Variants in DPYD observed in about 807,000 individuals in gnomAD.
The protein encoded by DPYD is dihydropyrimidine dehydrogenase.
A neutral mutation model predicts 116.2 loss-of-function variants in DPYD; 109 were observed. That is an observed-to-expected ratio of 0.94 (90% CI 0.80 to 1.10). The LOEUF (loss-of-function observed/expected upper bound fraction) is 1.10, where lower values mean the gene tolerates loss of function less well. Among genes scored for constraint, DPYD ranks in the 50% least tolerant of loss-of-function variants. The probability of loss-of-function intolerance (pLI) is 0.00; values close to 1 mark genes in which losing one functional copy is unlikely to be tolerated. For synonymous variants in DPYD, 440 were observed against 432.0 expected, an observed-to-expected ratio of 1.02 and a Z score of -0.23; for missense variants, 1,302 against 1,254.5, an observed-to-expected ratio of 1.04 and a Z score of -0.57.
intron 12 of DPYD, among the ~76,000 whole-genome samples, chr1:97,524,628 G>A (rs1406832351): frequency 6.6e-6 from 1 of 152,162 alleles, no homozygotes; most frequent in East Asian, 1.9e-4. Context: ...CAGTTACTGA[G>A]CATCCAGGAA....
chr1:97,628,098 G>A (rs1458474197), intron 8 of DPYD, among the ~76,000 whole-genome samples: 1 of 151,984 alleles, frequency 6.6e-6, no homozygotes, highest in African/African-American at 2.4e-5. Context: ...CCTGGATGTT[G>A]GGGGAAAGGG....
At chr1:97,473,424 A>G (rs1677769768) in intron 13 of DPYD, among the ~76,000 whole-genome samples, 1 of 152,192 alleles carries the variant, frequency 6.6e-6, no homozygotes, top group African/African-American at 2.4e-5. Flanking sequence ...TATTGTGAAT[A>G]ATACTGCAGT....
At chr1:97,197,984 T>C (rs1658931834) in intron 19 of DPYD, among the ~76,000 whole-genome samples, 1 of 152,150 alleles carries the variant, frequency 6.6e-6, no homozygotes, top group African/African-American at 2.4e-5. Flanking sequence ...ACAAAATGAG[T>C]AGTTTAATTT....
chr1:97,357,218 T>C (rs1233635983), intron 16 of DPYD, among the ~76,000 whole-genome samples: 1 of 152,202 alleles, frequency 6.6e-6, no homozygotes, highest in Non-Finnish European at 1.5e-5. Flanking sequence ...TTTTAGTATA[T>C]GGGTAAGTTT....
intron 18 of DPYD, among the ~76,000 whole-genome samples, chr1:97,251,391 T>TAAAAAAAAA (rs10581072): frequency 1.0e-5 from 1 of 95,354 alleles, no homozygotes; most frequent in Non-Finnish European, 2.0e-5. Flanking sequence ...AAACTCTGTC[T>TAAAAAAAAA]AAAAAAAAAA....
chr1:97,177,653 T>C (rs1416105229), intron 20 of DPYD, among the ~76,000 whole-genome samples: 1 of 151,762 alleles, frequency 6.6e-6, no homozygotes, highest in Non-Finnish European at 1.5e-5. Context: ...AGTATGTATA[T>C]TGTCCAAGGC....
intron 20 of DPYD, among the ~76,000 whole-genome samples, chr1:97,110,619 A>G (rs1651521280): frequency 6.6e-6 from 1 of 152,142 alleles, no homozygotes; most frequent in Admixed American, 6.6e-5. Context: ...ACTTTCAGGC[A>G]TCATTAATTT....
intron 2 of DPYD, 59 bp from the exon 3 acceptor site, chr1:97,828,255 T>G: frequency 6.7e-7 from 1 of 1,492,696 alleles, no homozygotes; most frequent in Non-Finnish European, 9.3e-7. Context: ...ATTGTATCTA[T>G]GCAGTTATGC....
intron 14 of DPYD, among the ~76,000 whole-genome samples, chr1:97,409,943 T>A (rs1673883680): frequency 6.6e-6 from 1 of 152,072 alleles, no homozygotes; most frequent in Admixed American, 6.6e-5. Context: ...CTGGGTATGG[T>A]GGTGCTCACC....
At chr1:97,728,878 G>C (rs952907038) in intron 4 of DPYD, among the ~76,000 whole-genome samples, 1 of 151,776 alleles carries the variant, frequency 6.6e-6, no homozygotes, top group Non-Finnish European at 1.5e-5. Flanking sequence ...TCAGATATTT[G>C]GCAAAGAAGA....
At chr1:97,526,016 T>TGTGTG (rs1649060888) in intron 12 of DPYD, among the ~76,000 whole-genome samples, 2 of 150,038 alleles carry the variant, frequency 1.3e-5, no homozygotes, top group Non-Finnish European at 3.0e-5. Flanking sequence ...TGTGTGTGTG[T>TGTGTG]TTCTATAATT....
chr1:97,133,556 T>C (rs1170408785), intron 20 of DPYD, among the ~76,000 whole-genome samples: 1 of 152,144 alleles, frequency 6.6e-6, no homozygotes, highest in Non-Finnish European at 1.5e-5. Context: ...TTTGTTTTGG[T>C]ATATGGTATG....
chr1:97,519,224 G>T (rs1648463325), intron 12 of DPYD, among the ~76,000 whole-genome samples: 1 of 152,254 alleles, frequency 6.6e-6, no homozygotes, highest in South Asian at 2.1e-4. Context: ...TGGACTTACA[G>T]TTCCACCTGG....
chr1:97,386,486 C>T (rs1328818531), intron 14 of DPYD, among the ~76,000 whole-genome samples: 1 of 152,064 alleles, frequency 6.6e-6, no homozygotes, highest in Non-Finnish European at 1.5e-5. Flanking sequence ...GGGTGCCTCA[C>T]TAACATATCT....
At chr1:97,238,315 C>T (rs1016106044) in intron 18 of DPYD, among the ~76,000 whole-genome samples, 1 of 151,970 alleles carries the variant, frequency 6.6e-6, no homozygotes, top group Admixed American at 6.6e-5. Flanking sequence ...GTTTTTATTT[C>T]CATTATAAAC....
At chr1:97,086,262 C>T (rs560700282) in intron 21 of DPYD, among the ~76,000 whole-genome samples, 26 of 151,890 alleles carry the variant, frequency 1.7e-4, no homozygotes, top group Admixed American at 1.4e-3. Flanking sequence ...CATATTGGCC[C>T]GGCTGGTCTC....
At chr1:97,115,032 G>A (rs1651866597) in intron 20 of DPYD, among the ~76,000 whole-genome samples, 1 of 152,018 alleles carries the variant, frequency 6.6e-6, no homozygotes, top group Non-Finnish European at 1.5e-5. Flanking sequence ...TTCCAAGTTT[G>A]TAATTTAAAT....
At chr1:97,653,022 T>C (rs1418026869) in intron 8 of DPYD, among the ~76,000 whole-genome samples, 3 of 152,124 alleles carry the variant, frequency 2.0e-5, no homozygotes, top group East Asian at 3.9e-4. Context: ...AATTTTTCTA[T>C]CTAACATACT....
chr1:97,405,424 C>T (rs1039508750), intron 14 of DPYD, among the ~76,000 whole-genome samples: 1 of 152,040 alleles, frequency 6.6e-6, no homozygotes, highest in Admixed American at 6.6e-5. Flanking sequence ...GTGTTTATTT[C>T]TCCTTCACTT....
Sources: gnomAD v4.1 joint callset for allele counts (sites outside exome capture counted in the v4.1 genomes callset) on GRCh38, gnomAD v4.1.1 for gene constraint, MANE v1.5 for transcripts, NCBI Gene and HGNC (gene_info 2026-07-23, HGNC 2026-07-21) for gene names.